Variants in NCF2 observed in about 807,000 individuals in gnomAD.
NCF2 encodes the protein neutrophil cytosolic factor 2.
Under a neutral mutation model 70.9 loss-of-function variants are expected in NCF2, and 45 were observed. That is an observed-to-expected ratio of 0.63 (90% CI 0.50 to 0.81). The LOEUF is 0.81. NCF2 is among the 40% of genes least tolerant of loss of function. The pLI is 0.00. For synonymous variants in NCF2, 203 were observed against 233.6 expected, an observed-to-expected ratio of 0.87 and a Z score of 1.19; for missense variants, 522 against 631.6, an observed-to-expected ratio of 0.83 and a Z score of 1.86.
chr1:183,581,548 C>G (rs937249726), intron 2 of NCF2, among the ~76,000 whole-genome samples: 1 of 151,864 alleles, frequency 6.6e-6, no homozygotes, highest in Non-Finnish European at 1.5e-5. Context: ...AGGCTGGTCT[C>G]GAACTCCTGG....
At chr1:183,599,410 C>CTTTCTTTCT in the NCF2 span, among the ~76,000 whole-genome samples, 1 of 146,484 alleles carries the variant, frequency 6.8e-6, no homozygotes, top group Non-Finnish European at 1.5e-5. Context: ...CTTTTTCTTT[C>CTTTCTTTCT]TTTCTTTCTT....
At chr1:183,568,724 G>C (rs2236384) in intron 7 of NCF2, among the ~76,000 whole-genome samples, 68,190 of 149,308 alleles carry the variant, frequency 0.46, 15,924 homozygotes, top group East Asian at 0.63. Context: ...CCGTCAGAGG[G>C]GACTGCAGCC....
upstream of NCF2, among the ~76,000 whole-genome samples, chr1:183,594,423 T>C (rs1464085597): frequency 6.6e-6 from 1 of 152,156 alleles, no homozygotes; most frequent in Non-Finnish European, 1.5e-5. Context: ...AAGATAAAAA[T>C]AACGTTTTCT....
chr1:183,577,893 G>C (rs1672871002), intron 2 of NCF2, among the ~76,000 whole-genome samples, 186 bp from the exon 3 acceptor site: 1 of 152,208 alleles, frequency 6.6e-6, no homozygotes, highest in Non-Finnish European at 1.5e-5. Flanking sequence ...CTTGGGAATG[G>C]TGTTCCCCCC....
At position 183,556,151 on chromosome 1, in the gene NCF2, A is replaced by AGTT. The variant is rs2102867464; in HGVS notation, c.1545_1547dup (p.Thr517dup). On this transcript the variant is annotated inframe_insertion, in exon 15 of 15. Coordinates refer to ENST00000367535, the MANE Select transcript of NCF2 (RefSeq NM_000433.4). ...CTCTCCGAGTGCTTTCCAAATCTGT[A>AGTT]GTTGCGCAGTCTTCAACAAAAACTT... The AGTT allele has an allele frequency of 6.2e-7, 1 of 1,614,190 alleles. No homozygotes were observed. The highest frequency in any genetic ancestry group is 1.3e-5 in the African/African-American group (1 of 75,068).
At chr1:183,574,664 A>C in intron 3 of NCF2, 43 bp from the exon 4 acceptor site, 1 of 1,611,512 alleles carries the variant, frequency 6.2e-7, no homozygotes, top group African/African-American at 1.3e-5. Flanking sequence ...AGACTACTCC[A>C]AATCAAGGTG....
chr1:183,566,396 G>A (rs1672300275), intron 9 of NCF2, among the ~76,000 whole-genome samples: 1 of 152,136 alleles, frequency 6.6e-6, no homozygotes, highest in Non-Finnish European at 1.5e-5. Flanking sequence ...AAGCTCTAAG[G>A]CAGATCTCAT....
At chr1:183,590,001 C>T (rs1284813075) in intron 1 of NCF2, among the ~76,000 whole-genome samples, 155 bp downstream of exon 1, 1 of 152,182 alleles carries the variant, frequency 6.6e-6, no homozygotes, top group Non-Finnish European at 1.5e-5. Context: ...TGGGGCCCCT[C>T]CCAGACCAGT....
chr1:183,578,537 T>C (rs748378906), intron 2 of NCF2, among the ~76,000 whole-genome samples: 2 of 152,006 alleles, frequency 1.3e-5, no homozygotes, highest in Non-Finnish European at 2.9e-5. Flanking sequence ...GCTAATTTTT[T>C]ATATTTTAAG....
chr1:183,595,195 A>G (rs779546282), upstream of NCF2, among the ~76,000 whole-genome samples: 8 of 152,210 alleles, frequency 5.3e-5, no homozygotes, highest in Non-Finnish European at 1.2e-4. Context: ...AGATAGTTTC[A>G]TTGAGTACAA....
At chr1:183,595,230 G>A (rs1168583070), upstream of NCF2, among the ~76,000 whole-genome samples, 1 of 152,114 alleles carries the variant, frequency 6.6e-6, no homozygotes, top group Non-Finnish European at 1.5e-5. Flanking sequence ...AAGGAGGCAG[G>A]GAGGAGACCT....
At chr1:183,597,748 T>A in the NCF2 span, 1 of 152,224 alleles carries the variant, frequency 6.6e-6, no homozygotes, top group African/African-American at 2.4e-5. Flanking sequence ...TTTTAAAGAT[T>A]CCCTTTTGCT....
chr1:183,577,555 A>G, intron 3 of NCF2, 44 bp downstream of exon 3: 1 of 1,458,606 alleles, frequency 6.9e-7, no homozygotes, highest in South Asian at 1.1e-5. Context: ...CCATCCATCC[A>G]GCCATGATCC....
chr1:183,566,561 G>A (rs781712989), intron 9 of NCF2, among the ~76,000 whole-genome samples: 3 of 152,128 alleles, frequency 2.0e-5, no homozygotes, highest in Admixed American at 6.5e-5. Flanking sequence ...CTTTCTAATG[G>A]CATTGTACCA....
chr1:183,558,725 C>T (rs1297648384), intron 14 of NCF2, among the ~76,000 whole-genome samples: 2 of 151,238 alleles, frequency 1.3e-5, no homozygotes, highest in East Asian at 3.9e-4. Flanking sequence ...TCACCACGCC[C>T]AGCTAATTTT....
chr1:183,580,282 C>A (rs1403385788), intron 2 of NCF2, among the ~76,000 whole-genome samples: 1 of 152,122 alleles, frequency 6.6e-6, no homozygotes, highest in African/African-American at 2.4e-5. Flanking sequence ...AGCAATGGGG[C>A]CTTTCATGTC....
At chr1:183,561,576 G>C (rs1222741033) in intron 13 of NCF2, among the ~76,000 whole-genome samples, 2 of 152,128 alleles carry the variant, frequency 1.3e-5, no homozygotes, top group East Asian at 3.9e-4. Flanking sequence ...TTAATGGTAA[G>C]TGTTCCTGCA....
Position 183,577,618 on chromosome 1 carries a change from A to T in NCF2, c.347T>A (p.Phe116Tyr). 17 of 1,613,464 alleles carry T rather than the reference A, an allele frequency of 1.1e-5. No individual in the cohort carries two copies. Among genetic ancestry groups the T allele is most frequent in the Non-Finnish European group, 1.4e-5 (17 of 1,179,418 alleles). Residue 116 changes from phenylalanine (F) to tyrosine (Y), a missense_variant, in exon 3 of 15, where the codon TTC becomes TAC. Phe to Tyr is a conservative substitution (Grantham distance 22). Transcript: ENST00000367535. Reference protein sequence around the residue: ...LIDYKILGLQFKLFACEVLYN... With the variant: ...LIDYKILGLQYKLFACEVLYN... ...CCTTACCTCACAGGCAAACAGCTTG[A>T]ACTGGAGCCCCAGGATCTTATAGTC...
At chr1:183,571,306 C>T (rs1672554027) in intron 5 of NCF2, among the ~76,000 whole-genome samples, 1 of 151,948 alleles carries the variant, frequency 6.6e-6, no homozygotes, top group South Asian at 2.1e-4. Context: ...TCAGTAGAGA[C>T]AGGTTTTCAC....
Sources: gnomAD v4.1 joint callset for allele counts (sites outside exome capture counted in the v4.1 genomes callset) on GRCh38, gnomAD v4.1.1 for gene constraint, MANE v1.5 for transcripts, NCBI Gene and HGNC (gene_info 2026-07-23, HGNC 2026-07-21) for gene names.